Variants in SLC20A2 observed in about 807,000 individuals in gnomAD.
The protein encoded by SLC20A2 is solute carrier family 20 member 2, also known as sodium-dependent phosphate transporter 2.
In SLC20A2, 30 loss-of-function variants were observed where a neutral mutation model predicts 61.0. That is an observed-to-expected ratio of 0.49 (90% CI 0.37 to 0.67). The LOEUF is 0.67. SLC20A2 is among the 30% of genes least tolerant of loss of function. The pLI is 0.00. For missense variants in SLC20A2, 626 were observed against 866.4 expected (o/e 0.72, Z 3.48); for synonymous variants, 351 against 353.3 (o/e 0.99, Z 0.07).
intron 1 of SLC20A2, among the ~76,000 whole-genome samples, chr8:42,473,721 T>C (rs925205534): frequency 3.3e-5 from 5 of 152,208 alleles, no homozygotes; most frequent in Admixed American, 6.5e-5. Flanking sequence ...GTATATTTTC[T>C]TTGAATGGTA....
Position 42,437,134 on chromosome 8 carries a change from G to C in SLC20A2, c.1378C>G (p.Leu460Val). The stretch of plus-strand genomic sequence containing the variant: ...TCTCGCGGCTGGTCAGGGTCGGCCA[G>C]CTCCGACGCCAGCTTCATCTCCACG... Reference protein sequence around the residue: ...GGVEMKLASELADPDQPREDP... With the variant: ...GGVEMKLASEVADPDQPREDP... The change falls in exon 8 of 11, where the codon CTG becomes GTG. Residue 460 changes from leucine (L) to valine (V), a missense_variant. Coordinates refer to ENST00000520262, the MANE Select transcript of SLC20A2 (RefSeq NM_001257180.2). The surrounding 1 kb of genome is among the most constrained non-coding windows in gnomAD (Gnocchi z 6.4). 6.2e-7 allele frequency: 1 copy of C among 1,613,774 alleles called. No individual in the cohort carries two copies. The highest frequency in any genetic ancestry group is 8.5e-7 in the Non-Finnish European group (1 of 1,180,038).
intron 5 of SLC20A2, among the ~76,000 whole-genome samples, chr8:42,459,235 CAAAAAAA>C (rs756966778): frequency 2.8e-5 from 1 of 36,088 alleles, no homozygotes. Context: ...GACTCTATCT[CAAAAAAA>C]AAAAAAAAAA....
Position 42,472,691 on chromosome 8 carries a change from T to C in SLC20A2, c.-264-37A>G. ...AGGAAACAAAAGAAATCAATTATACTCAGCAACCTGTAACAGTTTGTTCTT... is the reference window on the plus strand; with the variant it reads ...AGGAAACAAAAGAAATCAATTATACCCAGCAACCTGTAACAGTTTGTTCTT... On this transcript the variant is annotated intron_variant, in intron 1 of 10. Coordinates refer to ENST00000520262, the MANE Select transcript of SLC20A2 (RefSeq NM_001257180.2). The surrounding 1 kb of genome is among the most constrained non-coding windows in gnomAD (Gnocchi z 4.1). 1 of 313,392 alleles carries C rather than the reference T, an allele frequency of 3.2e-6. No individual in the cohort carries two copies. The highest frequency in any genetic ancestry group is 6.0e-6 in the Non-Finnish European group (1 of 166,950). 19.4% of individuals were successfully genotyped at this position (313,392 alleles called of 1,614,324 possible). A position where few individuals can be genotyped will look rare whatever the true frequency, so the allele number is the denominator to read the frequency against.
chr8:42,541,423 G>A (rs1468081007), intron 1 of SLC20A2: 4 of 146,964 alleles, frequency 2.7e-5, no homozygotes, highest in Non-Finnish European at 6.0e-5. Context: ...TCGCGGCGCG[G>A]TAGGGGAAAG....
chr8:42,461,697 C>T (rs1007052778), intron 4 of SLC20A2, among the ~76,000 whole-genome samples: 5 of 152,056 alleles, frequency 3.3e-5, no homozygotes, highest in Admixed American at 6.6e-5. Flanking sequence ...AGTGATCCAC[C>T]GCGCCTGGCC....
chr8:42,482,922 T>C (rs934330800), intron 1 of SLC20A2, among the ~76,000 whole-genome samples: 1 of 151,912 alleles, frequency 6.6e-6, no homozygotes, highest in African/African-American at 2.4e-5. Context: ...GGCAGGTCCC[T>C]GTAATCCCAG....
chr8:42,531,914 G>A (rs1237375089), intron 1 of SLC20A2, among the ~76,000 whole-genome samples: 1 of 151,742 alleles, frequency 6.6e-6, no homozygotes, highest in Non-Finnish European at 1.5e-5. Flanking sequence ...GGCCTCCCGG[G>A]TTCAAGAAAT....
At chr8:42,481,610 GTCCAACTCTATTAT>G (rs1231636982) in intron 1 of SLC20A2, among the ~76,000 whole-genome samples, 1 of 152,096 alleles carries the variant, frequency 6.6e-6, no homozygotes, top group Non-Finnish European at 1.5e-5. Flanking sequence ...TTCTGGTCCT[GTCCAACTCTATTAT>G]TCTACATCAA....
At chr8:42,505,904 C>G (rs1465086248), upstream of SLC20A2, among the ~76,000 whole-genome samples, 1 of 151,474 alleles carries the variant, frequency 6.6e-6, no homozygotes, top group African/African-American at 2.4e-5. Context: ...AAAAAAAAAG[C>G]CATCAAAAAA....
chr8:42,426,031 A>G (rs952686472), intron 10 of SLC20A2, among the ~76,000 whole-genome samples: 10 of 151,942 alleles, frequency 6.6e-5, no homozygotes, highest in Non-Finnish European at 5.9e-5. Flanking sequence ...GCGAGACTCC[A>G]TCTCAAAAAA....
intron 5 of SLC20A2, among the ~76,000 whole-genome samples, chr8:42,454,982 T>C (rs1332216053): frequency 1.3e-5 from 2 of 151,492 alleles, no homozygotes; most frequent in Non-Finnish European, 2.9e-5. Flanking sequence ...TCCCAGCACT[T>C]TGGGAGGCCG....
chr8:42,522,797 T>C (rs1274359506), intron 1 of SLC20A2, among the ~76,000 whole-genome samples: 2 of 150,690 alleles, frequency 1.3e-5, no homozygotes, highest in Non-Finnish European at 3.0e-5. Context: ...CTTGAATTCC[T>C]GGGCCCAGGC....
chr8:42,475,480 G>C (rs1257329401), intron 1 of SLC20A2, among the ~76,000 whole-genome samples: 1 of 152,032 alleles, frequency 6.6e-6, no homozygotes, highest in Non-Finnish European at 1.5e-5. Context: ...CGCGATCTTG[G>C]CTCACTGCAA....
chr8:42,450,049 C>T (rs1200393090), intron 5 of SLC20A2, among the ~76,000 whole-genome samples: 1 of 152,152 alleles, frequency 6.6e-6, no homozygotes, highest in Non-Finnish European at 1.5e-5. Context: ...ATAAATTGAG[C>T]TTTGTCTTTT....
chr8:42,485,219 C>T (rs368331378), intron 1 of SLC20A2, among the ~76,000 whole-genome samples: 1 of 152,266 alleles, frequency 6.6e-6, no homozygotes. Context: ...TCAGGGAGGT[C>T]AGCTGATTTC....
chr8:42,527,820 T>C (rs1812074029), intron 1 of SLC20A2, among the ~76,000 whole-genome samples: 2 of 152,036 alleles, frequency 1.3e-5, no homozygotes, highest in Admixed American at 6.6e-5. Context: ...TATAAATGTA[T>C]AATGACATAG....
At chr8:42,528,228 G>A (rs550097169) in intron 1 of SLC20A2, among the ~76,000 whole-genome samples, 13 of 152,260 alleles carry the variant, frequency 8.5e-5, no homozygotes, top group South Asian at 4.1e-4. Context: ...TTGGGAGGCC[G>A]AGGCAGGCAG....
chr8:42,449,014 A>C (rs1474092006), intron 5 of SLC20A2, among the ~76,000 whole-genome samples: 3 of 152,240 alleles, frequency 2.0e-5, no homozygotes, highest in African/African-American at 7.2e-5. Context: ...ACAGCGCCTG[A>C]ATCAATGCAC....
At chr8:42,471,770 C>G (rs967680042) in intron 2 of SLC20A2, among the ~76,000 whole-genome samples, 2 of 152,184 alleles carry the variant, frequency 1.3e-5, no homozygotes, top group Non-Finnish European at 2.9e-5. Flanking sequence ...AACACATTCA[C>G]TTAGACAACC....
Sources: allele counts gnomAD v4.1 joint callset (sites outside exome capture counted in the v4.1 genomes callset), GRCh38; gene constraint gnomAD v4.1.1; non-coding constraint Gnocchi (gnomAD v3.1); transcripts MANE v1.5; gene names NCBI Gene and HGNC (gene_info 2026-07-23, HGNC 2026-07-21).